Variants in CCDC7 observed in about 807,000 individuals in gnomAD.
The protein encoded by CCDC7 is coiled-coil domain containing 7.
In CCDC7, 183 loss-of-function variants were observed where a neutral mutation model predicts 196.9. The observed-to-expected ratio is 0.93, with a 90% confidence interval of 0.82 to 1.05. The LOEUF is 1.05. Ranked by LOEUF, CCDC7 falls within the 50% of genes least tolerant of loss-of-function variation. The pLI, the probability that CCDC7 is intolerant of heterozygous loss-of-function variation, is 0.00. For missense variants in CCDC7, 1,540 were observed against 1,482.2 expected (o/e 1.04, Z -0.64); for synonymous variants, 525 against 484.6 (o/e 1.08, Z -1.10).
intron 24 of CCDC7, among the ~76,000 whole-genome samples, chr10:32,702,011 C>G (rs1191084744): frequency 6.6e-6 from 1 of 152,258 alleles, no homozygotes; most frequent in African/African-American, 2.4e-5. Context: ...TTTTGTGTCT[C>G]TATTTCCTTC....
At position 32,733,119 on chromosome 10, in the gene CCDC7, CT is replaced by C. The variant is rs1385345862; in HGVS notation, c.2905+3668del. On this transcript the variant is annotated intron_variant, in intron 28 of 41. Transcript: ENST00000639629. Reference sequence around the variant, plus strand: ...AAGTTTATTTTTAATATGTTTTTATCTTTTTTATTACTCATATCTGTTATAA... The same window carrying C: ...AAGTTTATTTTTAATATGTTTTTATCTTTTTATTACTCATATCTGTTATAA... Among the ~76,000 whole-genome samples, 6 of 151,900 alleles carry C rather than the reference CT, an allele frequency of 3.9e-5. No homozygotes were observed. The East Asian group carries it at 9.6e-4, about 24-fold the overall frequency.
intron 24 of CCDC7, among the ~76,000 whole-genome samples, chr10:32,696,044 A>G (rs1421215970): frequency 1.3e-5 from 2 of 152,106 alleles, no homozygotes; most frequent in Non-Finnish European, 2.9e-5. Context: ...TTTAAGAGAC[A>G]AAGACACTAG....
intron 23 of CCDC7, among the ~76,000 whole-genome samples, chr10:32,693,951 CAT>C (rs1267648850): frequency 1.3e-5 from 2 of 152,066 alleles, no homozygotes. Context: ...GGCTGCAAAA[CAT>C]GTGAATGAAT....
At position 32,642,881 on chromosome 10, in the gene CCDC7, G is replaced by A. The variant is rs529875252; in HGVS notation, c.2014+7723G>A. 2.0e-5 allele frequency among the ~76,000 whole-genome samples: 3 copies of A among 152,250 alleles called. 1 individual carries two copies. In the South Asian group the frequency reaches 6.2e-4, roughly 32 times the overall value. On this transcript the variant is annotated intron_variant, in intron 20 of 41. Coordinates refer to ENST00000639629, the Ensembl canonical transcript of CCDC7. ...TGAATTAGATGAAAATATTTTGCCT[G>A]ACACTTAGAACTGTTAGAAGAAAAA...
At chr10:32,712,105 G>T (rs1411200210) in intron 25 of CCDC7, among the ~76,000 whole-genome samples, 1 of 152,088 alleles carries the variant, frequency 6.6e-6, no homozygotes, top group Admixed American at 6.6e-5. Context: ...GCAACAAATG[G>T]AAATCAGAGA....
intron 20 of CCDC7, among the ~76,000 whole-genome samples, chr10:32,644,638 T>C (rs534035228): frequency 6.6e-6 from 1 of 152,226 alleles, no homozygotes; most frequent in South Asian, 2.1e-4. Context: ...CAGTGGGAGA[T>C]AATGAATCAC....
Position 32,483,465 on chromosome 10 carries a change from A to G in CCDC7, c.797-8457A>G, listed in dbSNP as rs573083996. On this transcript the variant is annotated intron_variant, in intron 8 of 41. Coordinates refer to ENST00000639629, the Ensembl canonical transcript of CCDC7. The stretch of plus-strand genomic sequence containing the variant: ...TAGGTTGCCTGTTCACTCTGATGGT[A>G]GTTTCTTTTGCTGTGAAGAAGCTCT... Among the ~76,000 whole-genome samples the G allele has an allele frequency of 4.6e-5, 7 of 152,264 alleles. No homozygotes were observed. The East Asian group carries it at 1.2e-3, about 25-fold the overall frequency.
At chr10:32,451,966 C>A in intron 1 of CCDC7, 45 bp downstream of exon 2, 1 of 1,562,452 alleles carries the variant, frequency 6.4e-7, no homozygotes, top group Non-Finnish European at 8.7e-7. Context: ...CCCATGATCA[C>A]CCCAGGTTTA....
intron 13 of CCDC7, among the ~76,000 whole-genome samples, chr10:32,559,124 C>T (rs1264405349): frequency 2.0e-5 from 3 of 152,224 alleles, no homozygotes; most frequent in East Asian, 1.9e-4. Flanking sequence ...GAGGGGCGCC[C>T]GCCATTGCCC....
chr10:32,519,223 C>A (rs1010372958), intron 11 of CCDC7, among the ~76,000 whole-genome samples: 1 of 151,956 alleles, frequency 6.6e-6, no homozygotes, highest in Non-Finnish European at 1.5e-5. Flanking sequence ...AGGTATCATG[C>A]CAAATAGGAA....
In CCDC7 at chr10:32,603,318, A is replaced by G. The variant is rs139687513; in HGVS notation, c.1801+19014A>G. The stretch of plus-strand genomic sequence containing the variant: ...ATGGCTGAATAGTATTCCATTGTGG[A>G]TATGTACCATGTTTTCTTTATCCAT... On this transcript the variant is annotated intron_variant, in intron 18 of 41. Transcript: ENST00000639629. Among the ~76,000 whole-genome samples the G allele has an allele frequency of 2.6e-5, 4 of 152,214 alleles. No individual in the cohort carries two copies. The East Asian group carries it at 5.8e-4, about 22-fold the overall frequency.
At chr10:32,556,941 G>C (rs1999534) in intron 13 of CCDC7, among the ~76,000 whole-genome samples, 15,974 of 152,142 alleles carry the variant, frequency 0.1, 1,040 homozygotes, top group South Asian at 0.25. Flanking sequence ...TTGCATTTCT[G>C]TGCCTGTTTA....
intron 18 of CCDC7, among the ~76,000 whole-genome samples, chr10:32,628,962 G>T (rs1234420275): frequency 6.6e-6 from 1 of 152,110 alleles, no homozygotes; most frequent in Non-Finnish European, 1.5e-5. Flanking sequence ...TGAGAAGAAT[G>T]TGCATTCTAG....
chr10:32,715,053 G>A (rs1205684500), intron 25 of CCDC7, among the ~76,000 whole-genome samples: 1 of 152,230 alleles, frequency 6.6e-6, no homozygotes, highest in Non-Finnish European at 1.5e-5. Context: ...TCTGCTAAGG[G>A]ACAGACTGCC....
chr10:32,478,234 C>T (rs1238453293), intron 8 of CCDC7, among the ~76,000 whole-genome samples: 1 of 152,080 alleles, frequency 6.6e-6, no homozygotes, highest in East Asian at 1.9e-4. Flanking sequence ...ATTGGTGATT[C>T]TTTGGGATAT....
chr10:32,556,693 C>T (rs972123154), intron 13 of CCDC7, among the ~76,000 whole-genome samples: 3 of 152,164 alleles, frequency 2.0e-5, no homozygotes, highest in African/African-American at 7.2e-5. Context: ...AGCAACCTTT[C>T]TCCTTTTCAC....
intron 21 of CCDC7, among the ~76,000 whole-genome samples, chr10:32,671,000 AAG>A (rs1012847917): frequency 2.0e-5 from 3 of 152,182 alleles, no homozygotes; most frequent in African/African-American, 4.8e-5. Context: ...GTCATTACAA[AAG>A]AGTAAAAAAG....
intron 28 of CCDC7, among the ~76,000 whole-genome samples, chr10:32,758,614 T>C (rs1006912105): frequency 3.3e-5 from 5 of 152,116 alleles, no homozygotes; most frequent in African/African-American, 1.2e-4. Flanking sequence ...TAATGAGATA[T>C]TTATGACAAA....
intron 38 of CCDC7, 146 bp downstream of exon 39, chr10:32,848,062 C>T (rs954697541): frequency 4.1e-6 from 2 of 488,086 alleles, no homozygotes; most frequent in African/African-American, 2.0e-5. Flanking sequence ...GTTAAACTCT[C>T]GTATTATCAA....
Sources: gnomAD v4.1 joint callset for allele counts (sites outside exome capture counted in the v4.1 genomes callset) on GRCh38, gnomAD v4.1.1 for gene constraint, MANE v1.5 for transcripts, NCBI Gene and HGNC (gene_info 2026-07-23, HGNC 2026-07-21) for gene names.